Variants in LRRC4C observed in about 807,000 individuals in gnomAD.
LRRC4C encodes the protein leucine rich repeat containing 4C, also known as leucine-rich repeat-containing protein 4C.
Under a neutral mutation model 33.6 loss-of-function variants are expected in LRRC4C, and 5 were observed. The ratio of observed to expected loss-of-function variants is 0.15; its 90% CI spans 0.08 to 0.31. LRRC4C has a LOEUF of 0.31. LRRC4C is among the 10% of genes least tolerant of loss of function. The pLI is 1.00. For synonymous variants in LRRC4C, 329 were observed against 302.0 expected (o/e 1.09, Z -0.93); for missense variants, 560 against 796.7 (o/e 0.70, Z 3.58).
At chr11:41,007,180 T>C (rs2137469144) in intron 1 of LRRC4C, among the ~76,000 whole-genome samples, 1 of 152,150 alleles carries the variant, frequency 6.6e-6, no homozygotes, top group South Asian at 2.1e-4. Context: ...AGAAAATATT[T>C]ATATTACGTT....
At chr11:40,458,243 T>C (rs1472195805) in intron 3 of LRRC4C, among the ~76,000 whole-genome samples, 1 of 152,100 alleles carries the variant, frequency 6.6e-6, no homozygotes, top group African/African-American at 2.4e-5. Context: ...TGTGCGTGCA[T>C]GCACACACAT....
At chr11:40,214,919 G>A (rs762793815) in intron 5 of LRRC4C, among the ~76,000 whole-genome samples, 3 of 152,106 alleles carry the variant, frequency 2.0e-5, no homozygotes, top group Non-Finnish European at 4.4e-5. Flanking sequence ...TAAAGAGCTA[G>A]TGAGCTCACA....
At chr11:40,950,807 C>T (rs1036670564) in intron 1 of LRRC4C, among the ~76,000 whole-genome samples, 1 of 151,788 alleles carries the variant, frequency 6.6e-6, no homozygotes, top group African/African-American at 2.4e-5. Context: ...GACACATTTA[C>T]ACATATGGAA....
At chr11:40,594,696 G>T (rs1431393826) in intron 3 of LRRC4C, among the ~76,000 whole-genome samples, 1 of 152,182 alleles carries the variant, frequency 6.6e-6, no homozygotes, top group Non-Finnish European at 1.5e-5. Context: ...AACACAGGTT[G>T]TCTAAATTGT....
In LRRC4C at chr11:40,670,929, A is replaced by T. The variant is rs1944067837; in HGVS notation, c.-406-22651T>A. On this transcript the variant is annotated intron_variant, in intron 2 of 6. Transcript: ENST00000528697. The stretch of plus-strand genomic sequence containing the variant: ...TAGGTGCCCGCCACCACGCCCTGCT[A>T]ATTTTTTGTATATTTAGTAGAGATG... Among the ~76,000 whole-genome samples the T allele has an allele frequency of 2.6e-5, 4 of 152,066 alleles. No homozygotes were observed. In the South Asian group the frequency reaches 8.3e-4, roughly 32 times the overall value.
intron 2 of LRRC4C, among the ~76,000 whole-genome samples, chr11:40,735,603 G>A (rs113859996): frequency 0.31 from 34,577 of 111,834 alleles, 6,335 homozygotes; most frequent in Middle Eastern, 0.45. Context: ...ATTGTGAATA[G>A]TGCCGCAATA....
intron 2 of LRRC4C, among the ~76,000 whole-genome samples, chr11:40,767,522 A>C (rs902188300): frequency 6.6e-6 from 1 of 152,140 alleles, no homozygotes; most frequent in Non-Finnish European, 1.5e-5. Context: ...AGGAATATAC[A>C]TACTTTTCAT....
At chr11:40,140,694 T>G (rs1857300038) in intron 6 of LRRC4C, 107 bp downstream of exon 6, 1 of 152,422 alleles carries the variant, frequency 6.6e-6, no homozygotes, top group Non-Finnish European at 1.5e-5. Context: ...GCAAAACCAG[T>G]CATTGCCGTT....
chr11:40,541,041 C>A (rs1402434585), intron 3 of LRRC4C, among the ~76,000 whole-genome samples: 1 of 152,140 alleles, frequency 6.6e-6, no homozygotes, highest in African/African-American at 2.4e-5. Context: ...AAATAGGAAA[C>A]ACATTTCTGA....
chr11:40,999,514 CT>C (rs1387389507), intron 1 of LRRC4C, among the ~76,000 whole-genome samples: 4 of 152,112 alleles, frequency 2.6e-5, no homozygotes, highest in African/African-American at 7.2e-5. Flanking sequence ...AAACTAAGCT[CT>C]GCAAATTAAG....
intron 1 of LRRC4C, among the ~76,000 whole-genome samples, chr11:41,080,505 C>A (rs183049645): frequency 6.6e-6 from 1 of 152,186 alleles, no homozygotes; most frequent in African/African-American, 2.4e-5. Context: ...GCATGTGCCA[C>A]TATGCCCGGC....
At chr11:40,508,729 G>A (rs1018509863) in intron 3 of LRRC4C, among the ~76,000 whole-genome samples, 1 of 152,126 alleles carries the variant, frequency 6.6e-6, no homozygotes, top group Non-Finnish European at 1.5e-5. Context: ...CTTTAGTGAT[G>A]ATTGGTTCCA....
intron 5 of LRRC4C, among the ~76,000 whole-genome samples, chr11:40,215,974 A>G (rs1053976967): frequency 2.0e-5 from 3 of 152,154 alleles, no homozygotes; most frequent in Non-Finnish European, 4.4e-5. Context: ...GAGCTGAGAA[A>G]CATGGCCTTC....
chr11:41,385,698 T>C (rs1565631160), intron 1 of LRRC4C, among the ~76,000 whole-genome samples: 1 of 151,390 alleles, frequency 6.6e-6, no homozygotes, highest in Non-Finnish European at 1.5e-5. Flanking sequence ...TAGGAGGTTA[T>C]GAAGTGAACA....
intron 6 of LRRC4C, among the ~76,000 whole-genome samples, chr11:40,118,410 G>A (rs890206032): frequency 2.6e-5 from 4 of 151,904 alleles, no homozygotes; most frequent in Admixed American, 1.3e-4. Context: ...TCCTTACCTC[G>A]TGGGAATTTA....
intron 1 of LRRC4C, among the ~76,000 whole-genome samples, chr11:41,013,213 G>A (rs1284165516): frequency 6.6e-6 from 1 of 152,180 alleles, no homozygotes; most frequent in Non-Finnish European, 1.5e-5. Context: ...TTGAGCTATT[G>A]AGCTTAACTG....
intron 1 of LRRC4C, among the ~76,000 whole-genome samples, chr11:41,291,778 G>A (rs1013769689): frequency 5.3e-5 from 8 of 152,246 alleles, no homozygotes; most frequent in African/African-American, 1.9e-4. Flanking sequence ...GTGAAGATTT[G>A]CTTAATAGCA....
At chr11:40,415,756 T>C (rs1410197058) in intron 3 of LRRC4C, among the ~76,000 whole-genome samples, 2 of 152,180 alleles carry the variant, frequency 1.3e-5, no homozygotes, top group African/African-American at 4.8e-5. Context: ...GGTTAACCCA[T>C]AGTTCCTTTT....
intron 3 of LRRC4C, among the ~76,000 whole-genome samples, chr11:40,386,417 T>C (rs1949113488): frequency 2.0e-5 from 3 of 152,162 alleles, no homozygotes. Context: ...CTTCCCTGAA[T>C]CTGCTCTTTT....
Sources: gnomAD v4.1 joint callset for allele counts (sites outside exome capture counted in the v4.1 genomes callset) on GRCh38, gnomAD v4.1.1 for gene constraint, MANE v1.5 for transcripts, NCBI Gene and HGNC (gene_info 2026-07-23, HGNC 2026-07-21) for gene names.